POLK: variants seen among roughly 807,000 people sequenced by gnomAD.
POLK encodes the protein DNA polymerase kappa, also known as polymerase (DNA directed) kappa.
In POLK, 76 loss-of-function variants were observed where a neutral mutation model predicts 94.0. That is an observed-to-expected ratio of 0.81 (90% CI 0.67 to 0.98). The LOEUF is 0.98. POLK is among the 50% of genes least tolerant of loss of function. The pLI, the probability that POLK is intolerant of heterozygous loss-of-function variation, is 0.00. For synonymous variants in POLK, 349 were observed against 325.4 expected (o/e 1.07, Z -0.78); for missense variants, 954 against 1,010.1 (o/e 0.94, Z 0.75).
At chr5:75,585,677 A>G (rs987070217) in intron 9 of POLK, among the ~76,000 whole-genome samples, 1 of 152,126 alleles carries the variant, frequency 6.6e-6, no homozygotes, top group African/African-American at 2.4e-5. Context: ...CTAGAGGTAG[A>G]AGGTAAATTG....
At chr5:75,609,258 A>C in the POLK span, 2 of 151,824 alleles carry the variant, frequency 1.3e-5, no homozygotes, top group Non-Finnish European at 2.9e-5. Context: ...TTTTTTATTT[A>C]TATTAAAAAA....
At chr5:75,540,432 G>A (rs888215487) in intron 1 of POLK, among the ~76,000 whole-genome samples, 9 of 151,686 alleles carry the variant, frequency 5.9e-5, no homozygotes, top group African/African-American at 1.7e-4. Context: ...TCAGCCTCCC[G>A]AGTAGCTGGG....
At position 75,546,735 on chromosome 5, in the gene POLK, G is replaced by A. The variant is rs566989966; in HGVS notation, c.-13-275G>A. Among the ~76,000 whole-genome samples, 10 of 150,652 alleles carry A rather than the reference G, an allele frequency of 6.6e-5. 1 individual carries two copies. In the South Asian group the frequency reaches 2.1e-3, roughly 31 times the overall value. ...GGCTGGAGTGCGGTAGCGCAATCTC[G>A]GCTCACTGCAACCTCTGCCTCCCGG... On this transcript the variant is annotated intron_variant, in intron 1 of 14. Coordinates refer to ENST00000241436, the Ensembl canonical transcript of POLK.
intron 2 of POLK, among the ~76,000 whole-genome samples, chr5:75,547,765 T>C (rs1244597080): frequency 6.6e-6 from 1 of 152,222 alleles, no homozygotes; most frequent in African/African-American, 2.4e-5. Context: ...TTACCCTCCA[T>C]GGTGTTTCTA....
downstream of POLK, among the ~76,000 whole-genome samples, chr5:75,605,489 G>GT (rs1188550066): frequency 2.6e-5 from 4 of 152,178 alleles, no homozygotes; most frequent in Non-Finnish European, 5.9e-5. Context: ...AGGCTCAAAA[G>GT]TTTTTTCCCT....
At chr5:75,595,685 T>G (rs1476192104) in intron 12 of POLK, among the ~76,000 whole-genome samples, 3 of 152,188 alleles carry the variant, frequency 2.0e-5, no homozygotes, top group African/African-American at 7.2e-5. Flanking sequence ...GCGCCCAGGA[T>G]GTATTCCAAG....
At chr5:75,525,140 G>A (rs944688647) in intron 1 of POLK, among the ~76,000 whole-genome samples, 16 of 152,292 alleles carry the variant, frequency 1.1e-4, no homozygotes, top group African/African-American at 3.8e-4. Flanking sequence ...CTTGATATAT[G>A]AGCCAGGGAA....
intron 1 of POLK, among the ~76,000 whole-genome samples, chr5:75,545,303 C>T (rs551401706): frequency 8.5e-5 from 13 of 152,228 alleles, no homozygotes; most frequent in South Asian, 4.1e-4. Context: ...AAGTCACAAT[C>T]GTAATTTATT....
At chr5:75,514,422 G>C (rs188763467) in intron 1 of POLK, among the ~76,000 whole-genome samples, 1 of 152,222 alleles carries the variant, frequency 6.6e-6, no homozygotes, top group African/African-American at 2.4e-5. Flanking sequence ...GATTAAAATT[G>C]GTCAGACACC....
chr5:75,604,577 A>C (rs140846708), downstream of POLK, among the ~76,000 whole-genome samples: 1 of 152,096 alleles, frequency 6.6e-6, no homozygotes, highest in East Asian at 1.9e-4. Flanking sequence ...GGATCTTGCT[A>C]TGTGGCCTAG....
chr5:75,584,773 GAA>G lies in POLK; in HGVS notation c.1076_1077del (p.Lys359SerfsTer30), dbSNP rs1453974609. ...ATTCTTTTCTAGGTTTCTGGAATAGGAAAAGTTACAGAGAAAATGTTAAAGGC... is the reference window on the plus strand; with the variant it reads ...ATTCTTTTCTAGGTTTCTGGAATAGGAAGTTACAGAGAAAATGTTAAAGGC... On this transcript the variant is annotated frameshift_variant, in exon 9 of 15. Coordinates refer to ENST00000241436, the Ensembl canonical transcript of POLK. LOFTEE classifies it high-confidence loss of function. 5 of 1,538,354 alleles carry G rather than the reference GAA, an allele frequency of 3.3e-6. No homozygotes were observed. Among genetic ancestry groups the G allele is most frequent in the Non-Finnish European group, 4.4e-6 (5 of 1,136,378 alleles).
At chr5:75,555,509 T>G (rs952488298) in intron 3 of POLK, among the ~76,000 whole-genome samples, 3 of 152,256 alleles carry the variant, frequency 2.0e-5, no homozygotes, top group South Asian at 2.1e-4. Context: ...ATTTATTTTA[T>G]GTACTGAATA....
At chr5:75,596,499 AAAG>A (rs772394953) in exon 13 of POLK, 15 of 1,614,108 alleles carry the variant, frequency 9.3e-6, no homozygotes, top group Non-Finnish European at 1.2e-5. Flanking sequence ...TCCAAGTTTT[AAAG>A]AAGAAGATGA....
intron 12 of POLK, among the ~76,000 whole-genome samples, chr5:75,595,272 A>AAAAAAAAAAAAAAAAAC (rs1773015667): frequency 1.3e-5 from 2 of 148,976 alleles, no homozygotes; most frequent in African/African-American, 2.5e-5. Flanking sequence ...AAAAAAAAAA[A>AAAAAAAAAAAAAAAAAC]AGCCCAAGAG....
At chr5:75,580,574 T>C (rs1454827879) in intron 6 of POLK, 8 of 867,402 alleles carry the variant, frequency 9.2e-6, no homozygotes, top group South Asian at 5.3e-5. Flanking sequence ...AATTTGTATA[T>C]TCAAAGAAGC....
At chr5:75,568,750 T>G (rs1771419575) in intron 3 of POLK, 1 of 401,750 alleles carries the variant, frequency 2.5e-6, no homozygotes, top group Admixed American at 3.2e-5. Flanking sequence ...GTATCTTCAG[T>G]TGTACCTTCC....
At chr5:75,576,102 C>G (rs1030071021) in intron 5 of POLK, among the ~76,000 whole-genome samples, 1 of 152,168 alleles carries the variant, frequency 6.6e-6, no homozygotes, top group Middle Eastern at 3.4e-3. Flanking sequence ...TAATTCTAAT[C>G]TTTATATGTA....
At chr5:75,533,392 T>C (rs1769276686) in intron 1 of POLK, among the ~76,000 whole-genome samples, 1 of 152,222 alleles carries the variant, frequency 6.6e-6, no homozygotes, top group Non-Finnish European at 1.5e-5. Flanking sequence ...ATCAAATGAT[T>C]GTAGGCATGT....
chr5:75,572,141 A>G (rs1771630162), intron 4 of POLK, among the ~76,000 whole-genome samples: 1 of 152,210 alleles, frequency 6.6e-6, no homozygotes, highest in South Asian at 2.1e-4. Flanking sequence ...TTGTGATAAA[A>G]TTTGTTTTAT....
Sources: allele counts gnomAD v4.1 joint callset (sites outside exome capture counted in the v4.1 genomes callset), GRCh38; gene constraint gnomAD v4.1.1; transcripts MANE v1.5; gene names NCBI Gene and HGNC (gene_info 2026-07-23, HGNC 2026-07-21).